TNFRSF13B: variants seen among roughly 807,000 people sequenced by gnomAD.
The protein encoded by TNFRSF13B is tumor necrosis factor receptor superfamily member 13B.
A neutral mutation model predicts 24.0 loss-of-function variants in TNFRSF13B; 34 were observed. The observed-to-expected ratio is 1.41, with a 90% CI of 1.08 to 1.88. The LOEUF is 1.88. Ranked by LOEUF, TNFRSF13B falls within the 40% of genes most tolerant of loss-of-function variation. The pLI, the probability that TNFRSF13B is intolerant of heterozygous loss-of-function variation, is 0.00. For synonymous variants in TNFRSF13B, 173 were observed against 150.3 expected (o/e 1.15, Z -1.10); for missense variants, 415 against 380.8 (o/e 1.09, Z -0.75).
chr17:16,948,834 C>T lies in TNFRSF13B; in HGVS notation c.349G>A (p.Glu117Lys). The change falls in exon 3 of 5, where the codon GAG becomes AAG. Residue 117 changes from glutamate (E) to lysine (K), a missense_variant. By Grantham distance (56) the Glu-to-Lys change is moderately conservative (BLOSUM62 1). Coordinates refer to ENST00000261652, the MANE Select transcript of TNFRSF13B (RefSeq NM_012452.3). ...KLRSPVNLPP[E>K]LRRQRSGEVE... is the part of the protein sequence containing the mutation. ...TCTCCACTCCGCTGTCTCCTGAGCT[C>T]TGGTGGAAGGTTCACTGGGCTCCTG... is the stretch of plus-strand genomic sequence containing the variant. 1 of 1,614,234 alleles carries T rather than the reference C, an allele frequency of 6.2e-7. No individual in the cohort carries two copies. Among genetic ancestry groups the T allele is most frequent in the Non-Finnish European group, 8.5e-7 (1 of 1,180,040 alleles).
chr17:16,971,972 A>C, intron 1 of TNFRSF13B, 43 bp downstream of exon 1: 2 of 1,608,484 alleles, frequency 1.2e-6, no homozygotes, highest in Non-Finnish European at 8.5e-7. Flanking sequence ...AACCCTCCTC[A>C]CACCTCCCAC....
chr17:16,959,275 CAAATGA>C (rs1024813414), intron 1 of TNFRSF13B, among the ~76,000 whole-genome samples: 17 of 151,614 alleles, frequency 1.1e-4, no homozygotes, highest in Admixed American at 9.9e-4. Context: ...TATCTTGAGA[CAAATGA>C]AAATGAAAAT....
At chr17:16,952,297 C>T in intron 2 of TNFRSF13B, 149 bp downstream of exon 2, 2 of 1,164,634 alleles carry the variant, frequency 1.7e-6, no homozygotes, top group Middle Eastern at 2.8e-4. Context: ...GTGACCAAAG[C>T]AGAAAGGTGG....
chr17:16,946,559 ATTATTTTTATTT>A (rs141803335), intron 3 of TNFRSF13B, among the ~76,000 whole-genome samples: 25,577 of 147,106 alleles, frequency 0.17, 2,800 homozygotes, highest in Non-Finnish European at 0.25. Flanking sequence ...CTTATTTTTT[ATTATTTTTATTT>A]TTATTTTTAT....
chr17:16,965,333 C>A (rs1322311086), intron 1 of TNFRSF13B, among the ~76,000 whole-genome samples: 1 of 152,084 alleles, frequency 6.6e-6, no homozygotes, highest in Non-Finnish European at 1.5e-5. Context: ...GGGAACTACC[C>A]CCAGAACCTG....
At chr17:16,962,170 C>T (rs1415392420) in intron 1 of TNFRSF13B, among the ~76,000 whole-genome samples, 1 of 152,164 alleles carries the variant, frequency 6.6e-6, no homozygotes, top group Admixed American at 6.6e-5. Context: ...GCATGGAAAA[C>T]AGAGGAGTTA....
intron 3 of TNFRSF13B, among the ~76,000 whole-genome samples, chr17:16,943,841 G>A (rs1001199520): frequency 1.3e-5 from 2 of 152,206 alleles, no homozygotes; most frequent in African/African-American, 4.8e-5. Flanking sequence ...AGTAGGGCAG[G>A]CTGCCTGGGC....
intron 1 of TNFRSF13B, among the ~76,000 whole-genome samples, chr17:16,959,832 C>T (rs2143674963): frequency 6.6e-6 from 1 of 152,074 alleles, no homozygotes; most frequent in African/African-American, 2.4e-5. Context: ...AATCAGAAAC[C>T]TACCAGTGAC....
chr17:16,971,816 G>A (rs756934463), intron 1 of TNFRSF13B, among the ~76,000 whole-genome samples, 199 bp downstream of exon 1: 10 of 152,174 alleles, frequency 6.6e-5, no homozygotes, highest in African/African-American at 1.7e-4. Flanking sequence ...CTTCTGTCAC[G>A]GAAGGCAAGC....
chr17:16,952,258 C>T (rs9905475), intron 2 of TNFRSF13B, among the ~76,000 whole-genome samples, 188 bp downstream of exon 2: 1,544 of 152,318 alleles, frequency 0.01, 30 homozygotes, highest in African/African-American at 0.036. Flanking sequence ...AAAGAATGGA[C>T]TGTGTTTGAG....
chr17:16,967,770 A>AAAAAAG (rs1567657178), intron 1 of TNFRSF13B, among the ~76,000 whole-genome samples: 1 of 146,606 alleles, frequency 6.8e-6, no homozygotes, highest in African/African-American at 2.6e-5. Flanking sequence ...AAAAAAAAAA[A>AAAAAAG]AAGAAAGAAA....
intron 1 of TNFRSF13B, among the ~76,000 whole-genome samples, chr17:16,956,561 C>T (rs1011467088): frequency 6.6e-6 from 1 of 151,926 alleles, no homozygotes; most frequent in East Asian, 1.9e-4. Flanking sequence ...ACAATGAGCA[C>T]ATGGTAAAGA....
intron 1 of TNFRSF13B, among the ~76,000 whole-genome samples, chr17:16,971,780 T>C (rs1034139275): frequency 3.9e-5 from 6 of 152,144 alleles, no homozygotes; most frequent in East Asian, 3.8e-4. Flanking sequence ...TTCCTGCCGG[T>C]GTGGCCAACC....
chr17:16,945,363 G>A (rs934120937), intron 3 of TNFRSF13B, among the ~76,000 whole-genome samples: 3 of 152,318 alleles, frequency 2.0e-5, no homozygotes, highest in Middle Eastern at 3.4e-3. Flanking sequence ...ACAGTTCACC[G>A]CCAAGGAGCA....
At chr17:16,941,333 C>T (rs1418329366) in intron 3 of TNFRSF13B, 2 of 987,568 alleles carry the variant, frequency 2.0e-6, no homozygotes, top group African/African-American at 3.5e-5. Context: ...GGCATCAGGG[C>T]ACCTGGCCAC....
At chr17:16,966,601 G>C (rs1324732038) in intron 1 of TNFRSF13B, among the ~76,000 whole-genome samples, 1 of 152,172 alleles carries the variant, frequency 6.6e-6, no homozygotes, top group Non-Finnish European at 1.5e-5. Context: ...TGTGGGGAGA[G>C]TGGCATTCTT....
intron 3 of TNFRSF13B, among the ~76,000 whole-genome samples, chr17:16,947,409 G>T (rs561470254): frequency 6.6e-6 from 1 of 152,192 alleles, no homozygotes; most frequent in Non-Finnish European, 1.5e-5. Flanking sequence ...AGTGTAAACA[G>T]GCAACCTACA....
intron 1 of TNFRSF13B, among the ~76,000 whole-genome samples, chr17:16,959,580 T>C (rs1297876432): frequency 1.3e-5 from 2 of 151,952 alleles, no homozygotes; most frequent in Non-Finnish European, 2.9e-5. Flanking sequence ...TGACAAACCT[T>C]TAGGTAGACT....
At chr17:16,955,659 GAA>G (rs1399903994) in intron 1 of TNFRSF13B, among the ~76,000 whole-genome samples, 1 of 152,160 alleles carries the variant, frequency 6.6e-6, no homozygotes, top group African/African-American at 2.4e-5. Context: ...TCATATTTAC[GAA>G]GTCAAGACAT....
Sources: allele counts gnomAD v4.1 joint callset (sites outside exome capture counted in the v4.1 genomes callset), GRCh38; gene constraint gnomAD v4.1.1; transcripts MANE v1.5; gene names NCBI Gene and HGNC (gene_info 2026-07-23, HGNC 2026-07-21).